Variants in ACAN observed in about 807,000 individuals in gnomAD.
ACAN encodes the protein aggrecan.
Under a neutral mutation model 169.1 loss-of-function variants are expected in ACAN, and 47 were observed. That is an observed-to-expected ratio of 0.28 (90% confidence interval 0.22 to 0.35). ACAN has a LOEUF of 0.35. Ranked by LOEUF, ACAN falls within the 10% of genes least tolerant of loss-of-function variation. ACAN has a pLI of 1.00. For synonymous variants in ACAN, 1,115 were observed against 1,112.2 expected, an observed-to-expected ratio of 1.00 and a Z score of -0.05; for missense variants, 2,716 against 2,759.9, an observed-to-expected ratio of 0.98 and a Z score of 0.36.
rs1275649762 is a variant in ACAN, at chr15:88,869,772, C to T, written c.7060+1443C>T. On this transcript the variant is annotated intron_variant, in intron 14 of 18. Transcript: ENST00000560601. The surrounding 1 kb of genome is among the most constrained non-coding windows in gnomAD (Gnocchi z 4.2). ...CCAGCTAAGCAGGGCTGCATCTCCT[C>T]TCCCATTCCAATCCTGAGTCCTCAC... 6.6e-6 allele frequency among the ~76,000 whole-genome samples: 1 copy of T among 152,174 alleles called. No individual in the cohort carries two copies. The highest frequency in any genetic ancestry group is 2.4e-5 in the African/African-American group (1 of 41,432).
At chr15:88,824,735 C>G (rs138066688) in intron 1 of ACAN, among the ~76,000 whole-genome samples, 2 of 152,086 alleles carry the variant, frequency 1.3e-5, no homozygotes, top group East Asian at 3.9e-4. Flanking sequence ...AAAAATTAGC[C>G]AGACATGGTG....
At position 88,849,682 on chromosome 15, in the gene ACAN, G is replaced by A; in HGVS notation, c.1977G>A (p.Gln659=). The A allele has an allele frequency of 6.2e-7, 1 of 1,613,842 alleles. No homozygotes were observed. Among genetic ancestry groups the A allele is most frequent in the South Asian group, 1.1e-5 (1 of 91,082 alleles). ...GAACGGTCTACCTCTACCCTAACCAGACGGGCCTCCCAGACCCACTGTCCC... is the reference window on the plus strand; with the variant it reads ...GAACGGTCTACCTCTACCCTAACCAAACGGGCCTCCCAGACCCACTGTCCC... ...GVRTVYLYPN[Q]TGLPDPLSRH... Residue 659 remains glutamine (Q), a synonymous_variant, in exon 10 of 19, where the codon CAG becomes CAA. Coordinates refer to ENST00000560601, the MANE Select transcript of ACAN (RefSeq NM_001369268.1). The surrounding 1 kb of genome is among the most constrained non-coding windows in gnomAD (Gnocchi z 5.1).
At position 88,872,123 on chromosome 15, in the gene ACAN, A is replaced by G. The variant is rs187838368; in HGVS notation, c.7302+38A>G. The G allele has an allele frequency of 3.8e-6, 6 of 1,576,960 alleles. No homozygotes were observed. In the East Asian group the frequency reaches 1.3e-4, roughly 35 times the overall value. On this transcript the variant is annotated intron_variant, in intron 16 of 18. Transcript: ENST00000560601. The surrounding 1 kb of genome is among the most constrained non-coding windows in gnomAD (Gnocchi z 5.4). ...GTAGGCACAGCTGGTGGCCCAGGGG[A>G]CAGGGAGTGGGATAGAGACCCCTGG...
chr15:88,845,842 G>T lies in ACAN; in HGVS notation c.1389G>T (p.Val463=). Residue 463 remains valine, a synonymous_variant, in exon 7 of 19, where the codon GTG becomes GTT. Transcript: ENST00000560601. ...CATTCACCAGTGAGGACCTCGTCGT[G>T]CAGGTGACCGCTGTCCCTGGGCAGC... is the stretch of plus-strand genomic sequence containing the variant. ...ATAFTSEDLV[V]QVTAVPGQPH... 1 of 1,482,728 alleles carries T rather than the reference G, an allele frequency of 6.7e-7. No homozygotes were observed. The highest frequency in any genetic ancestry group is 9.0e-7 in the Non-Finnish European group (1 of 1,113,118). 91.8% of individuals were successfully genotyped at this position (1,482,728 alleles called of 1,614,324 possible).
chr15:88,843,570 G>C lies in ACAN; in HGVS notation c.973G>C (p.Val325Leu), dbSNP rs200118502. ...CAACTGCGGTGGCAACCTCCTGGGC[G>C]TGAGGACCGTCTACGTGCATGCCAA... is the stretch of plus-strand genomic sequence containing the variant. ...RPNCGGNLLGVRTVYVHANQT... is the reference protein window; with the variant it reads ...RPNCGGNLLGLRTVYVHANQT... Residue 325 changes from valine to leucine, a missense_variant, in exon 6 of 19, where the codon GTG (valine) becomes CTG (leucine). By Grantham distance (32) the Val-to-Leu change is conservative. Around this residue, in one of 3 missense-constraint regions of ACAN, gnomAD observed 1,283 missense variants for 1,281.5 expected, o/e 1.00. Coordinates refer to ENST00000560601, the MANE Select transcript of ACAN (RefSeq NM_001369268.1). The surrounding 1 kb of genome is among the most constrained non-coding windows in gnomAD (Gnocchi z 4.0). 6.2e-6 allele frequency: 10 copies of C among 1,612,176 alleles called. No homozygotes were observed. Among genetic ancestry groups the C allele is most frequent in the Non-Finnish European group, 8.5e-6 (10 of 1,179,364 alleles).
rs755486036 is a variant in ACAN at position 88,843,001 on chromosome 15, C to G, written c.758-354C>G. ...TTTAAAAGGATTTGCCTTGAGTAGG[C>G]AATGCTTAACTCCTAGGAAAGATCC... On this transcript the variant is annotated intron_variant, in intron 5 of 18. Coordinates refer to ENST00000560601, the MANE Select transcript of ACAN (RefSeq NM_001369268.1). This position sits in a 1 kb window ranked among gnomAD's most constrained non-coding sequence, Gnocchi z 4.0. Among the ~76,000 whole-genome samples, 5 of 152,182 alleles carry G rather than the reference C, an allele frequency of 3.3e-5. No individual in the cohort carries two copies. Among genetic ancestry groups the G allele is most frequent in the Non-Finnish European group, 7.3e-5 (5 of 68,048 alleles).
intron 1 of ACAN, among the ~76,000 whole-genome samples, chr15:88,806,826 A>C (rs1171341040): frequency 6.6e-6 from 1 of 152,132 alleles, no homozygotes; most frequent in Admixed American, 6.6e-5. Flanking sequence ...GTCCAACTGC[A>C]GGTTGTGAGA....
chr15:88,835,890 G>A (rs1476423557), intron 1 of ACAN, among the ~76,000 whole-genome samples: 4 of 152,116 alleles, frequency 2.6e-5, no homozygotes, highest in South Asian at 2.1e-4. Flanking sequence ...TGGTTGCCCC[G>A]GCCCAGTCAG....
intron 1 of ACAN, among the ~76,000 whole-genome samples, chr15:88,812,640 T>C (rs1377565518): frequency 6.6e-6 from 1 of 152,104 alleles, no homozygotes; most frequent in African/African-American, 2.4e-5. Context: ...TTCATTCTGG[T>C]CATGCAAGTT....
At chr15:88,824,582 A>G (rs1050608946) in intron 1 of ACAN, among the ~76,000 whole-genome samples, 1 of 152,200 alleles carries the variant, frequency 6.6e-6, no homozygotes, top group Non-Finnish European at 1.5e-5. Context: ...AATTTCAAAT[A>G]ATAATGATGC....
At chr15:88,848,978 C>G (rs1440585927) in intron 9 of ACAN, among the ~76,000 whole-genome samples, 1 of 152,218 alleles carries the variant, frequency 6.6e-6, no homozygotes, top group Non-Finnish European at 1.5e-5. Context: ...AGCCCCTGCC[C>G]TGGATGAGTT....
intron 13 of ACAN, among the ~76,000 whole-genome samples, chr15:88,867,233 T>G (rs1225886176): frequency 6.6e-6 from 1 of 152,190 alleles, no homozygotes; most frequent in East Asian, 1.9e-4. Flanking sequence ...TTTGAGGCAA[T>G]GGCCAATGAC....
rs1470767236 is a variant in ACAN at position 88,857,909 on chromosome 15, G to A, written c.5324G>A (p.Gly1775Asp). The A allele has an allele frequency of 1.2e-6, 2 of 1,613,486 alleles. No homozygotes were observed. The highest frequency in any genetic ancestry group is 1.1e-5 in the South Asian group (1 of 91,058). The change falls in exon 12 of 19, where the codon GGC (glycine) becomes GAC (aspartate). Residue 1775 changes from glycine (G) to aspartate (D), a missense_variant. This residue lies in a region of ACAN where 1,389 missense variants were observed against 1,363.7 expected (regional missense o/e 1.02). Transcript: ENST00000560601. ...GGAGAAGCATCTGGAGTTCTTTATG[G>A]CACTAGTCAACCCTTTGGCATAACT... ...ISGEASGVLY[G>D]TSQPFGITDL...
Position 88,849,537 on chromosome 15 carries a change from T to C in ACAN, c.1832T>C (p.Leu611Pro). The change falls in exon 10 of 19, where the codon CTC (leucine) becomes CCC (proline). Residue 611 changes from leucine to proline, a missense_variant. Leu to Pro is a moderately conservative substitution (Grantham distance 98, BLOSUM62 -3). This residue lies in a region of ACAN where 1,283 missense variants were observed against 1,281.5 expected (regional missense o/e 1.00). Transcript: ENST00000560601. This position sits in a 1 kb window ranked among gnomAD's most constrained non-coding sequence, Gnocchi z 5.1. ...GCTACGCTGGCCACCACGGGCCAGC[T>C]CTACGCCGCCTGGAGCCGCGGCCTG... ...HNATLATTGQ[L>P]YAAWSRGLDK... is the part of the protein sequence containing the mutation. 2 of 1,606,342 alleles carry C rather than the reference T, an allele frequency of 1.2e-6. No individual in the cohort carries two copies. The highest frequency in any genetic ancestry group is 8.5e-7 in the Non-Finnish European group (1 of 1,176,724).
Position 88,857,018 on chromosome 15 carries a change from A to T in ACAN, c.4433A>T (p.Glu1478Val), listed in dbSNP as rs775272723. Reference sequence around the variant, plus strand: ...CTTCCTTCTGGAGGAGAAGTTCTAGAGATTTCTGTCTCTGGAGTAGAGGAC... The same window carrying T: ...CTTCCTTCTGGAGGAGAAGTTCTAGTGATTTCTGTCTCTGGAGTAGAGGAC... ...SGLPSGGEVLEISVSGVEDIS... is the reference protein window; with the variant it reads ...SGLPSGGEVLVISVSGVEDIS... Residue 1478 changes from glutamate to valine, a missense_variant, in exon 12 of 19, where the codon GAG becomes GTG. Physicochemically the swap from Glu to Val is moderately radical, Grantham distance 121. This residue lies in a region of ACAN where 1,389 missense variants were observed against 1,363.7 expected (regional missense o/e 1.02). Transcript: ENST00000560601. The T allele has an allele frequency of 6.2e-7, 1 of 1,613,354 alleles. No homozygotes were observed. The highest frequency in any genetic ancestry group is 1.1e-5 in the South Asian group (1 of 91,066).
At position 88,849,372 on chromosome 15, in the gene ACAN, G is replaced by A. The variant is rs1896873653; in HGVS notation, c.1733-66G>A. The A allele has an allele frequency of 4.9e-6, 7 of 1,436,358 alleles. No individual in the cohort carries two copies. The highest frequency in any genetic ancestry group is 6.5e-6 in the Non-Finnish European group (7 of 1,081,218). 89.0% of individuals were successfully genotyped at this position (1,436,358 alleles called of 1,614,324 possible). ...GAGGGTTAGAGGAACTCTGTCCTGG[G>A]TGGGCAGGGATGGACCTGGCCTGAG... On this transcript the variant is annotated intron_variant, in intron 9 of 18. Transcript: ENST00000560601. The surrounding 1 kb of genome is among the most constrained non-coding windows in gnomAD (Gnocchi z 5.1).
chr15:88,859,445 G>A lies in ACAN; in HGVS notation c.6832+28G>A, dbSNP rs1057278294. On this transcript the variant is annotated intron_variant, in intron 12 of 18. Coordinates refer to ENST00000560601, the MANE Select transcript of ACAN (RefSeq NM_001369268.1). The stretch of plus-strand genomic sequence containing the variant: ...ATTGTGATTTTTTCCCCCTTTAAAT[G>A]TGCTTAGGTAGTTCAGACTGTAGCC... 5 of 1,551,508 alleles carry A rather than the reference G, an allele frequency of 3.2e-6. No homozygotes were observed. In the South Asian group the frequency reaches 5.9e-5, roughly 18 times the overall value.
intron 1 of ACAN, among the ~76,000 whole-genome samples, chr15:88,818,225 G>T (rs1895990729): frequency 6.6e-6 from 1 of 152,228 alleles, no homozygotes; most frequent in African/African-American, 2.4e-5. Context: ...GCAATGAAAA[G>T]TACTTGTCAG....
At position 88,858,044 on chromosome 15, in the gene ACAN, C is replaced by T. The variant is rs962377192; in HGVS notation, c.5459C>T (p.Thr1820Met). 2.5e-6 allele frequency: 4 copies of T among 1,613,804 alleles called. No individual in the cohort carries two copies. The highest frequency in any genetic ancestry group is 8.5e-7 in the Non-Finnish European group (1 of 1,179,886). The change falls in exon 12 of 19, where the codon ACG becomes ATG. Residue 1820 changes from threonine to methionine, a missense_variant. Thr to Met is a moderately conservative substitution (Grantham distance 81, BLOSUM62 -1). Around this residue, in one of 3 missense-constraint regions of ACAN, gnomAD observed 1,389 missense variants for 1,363.7 expected, o/e 1.02. Coordinates refer to ENST00000560601, the MANE Select transcript of ACAN (RefSeq NM_001369268.1). The surrounding 1 kb of genome is among the most constrained non-coding windows in gnomAD (Gnocchi z 4.0). ...GTCCCTGACCTGGTTTCTGGTACCACGAGTGGCAGCGGTGAATCTTCTGGG... is the reference window on the plus strand; with the variant it reads ...GTCCCTGACCTGGTTTCTGGTACCATGAGTGGCAGCGGTGAATCTTCTGGG... ...SGVPDLVSGT[T>M]SGSGESSGIT...
Sources: gnomAD v4.1 joint callset for allele counts (sites outside exome capture counted in the v4.1 genomes callset) on GRCh38, gnomAD v4.1.1 for gene constraint, gnomAD v4.1.1 regional missense constraint, Gnocchi (gnomAD v3.1) non-coding constraint, MANE v1.5 for transcripts, NCBI Gene and HGNC (gene_info 2026-07-23, HGNC 2026-07-21) for gene names.